Variants in APMAP observed in about 807,000 individuals in gnomAD.
APMAP encodes adipocyte plasma membrane associated protein.
A neutral mutation model predicts 43.6 loss-of-function variants in APMAP; 33 were observed. The observed-to-expected ratio is 0.76, with a 90% CI of 0.57 to 1.01. The LOEUF is 1.01. Ranked by LOEUF, APMAP falls within the 50% of genes least tolerant of loss-of-function variation. The pLI is 0.00. For missense variants in APMAP, 498 were observed against 540.7 expected (o/e 0.92, Z 0.78); for synonymous variants, 224 against 216.7 (o/e 1.03, Z -0.30).
chr20:24,992,442 G>C, intron 1 of APMAP, 152 bp downstream of exon 1: 1 of 583,998 alleles, frequency 1.7e-6, no homozygotes, highest in South Asian at 5.9e-5. Flanking sequence ...TCGGAAAAAT[G>C]AGTTTTTCTT....
At chr20:24,977,954 G>A (rs188826990) in intron 3 of APMAP, among the ~76,000 whole-genome samples, 3 of 152,186 alleles carry the variant, frequency 2.0e-5, no homozygotes, top group Admixed American at 2.0e-4. Flanking sequence ...CAAATAACAG[G>A]GCCCAGGCAA....
In APMAP at chr20:24,970,345, C is replaced by T. The variant is rs895578255; in HGVS notation, c.565G>A (p.Glu189Lys). 8 of 1,612,534 alleles carry T rather than the reference C, an allele frequency of 5.0e-6. No homozygotes were observed. Among genetic ancestry groups the T allele is most frequent in the Non-Finnish European group, 5.1e-6 (6 of 1,179,186 alleles). ...ATGTTCTTCCCCTCAATGGGTGTCT[C>T]GGAGGACAGCAGCAGTTTCACTTCA... ...KREVKLLLSS[E>K]TPIEGKNMSF... is the part of the protein sequence containing the mutation. The change falls in exon 6 of 9, where the codon GAG becomes AAG. Residue 189 changes from glutamate to lysine, a missense_variant. By Grantham distance (56) the Glu-to-Lys change is moderately conservative. Coordinates refer to ENST00000217456, the MANE Select transcript of APMAP (RefSeq NM_020531.3).
chr20:24,966,359 C>CA (rs954952884), intron 8 of APMAP, among the ~76,000 whole-genome samples: 1 of 152,176 alleles, frequency 6.6e-6, no homozygotes. Flanking sequence ...TGATTACTTA[C>CA]AAAAACCACC....
intron 1 of APMAP, among the ~76,000 whole-genome samples, chr20:24,985,951 G>A (rs182827462): frequency 9.5e-4 from 145 of 152,320 alleles, no homozygotes; most frequent in African/African-American, 3.2e-3. Context: ...AGTGGATCCT[G>A]TAACACAGTG....
At chr20:24,980,045 G>A (rs142328284) in intron 2 of APMAP, among the ~76,000 whole-genome samples, 16 of 152,342 alleles carry the variant, frequency 1.1e-4, no homozygotes, top group African/African-American at 3.8e-4. Context: ...CTCATGCACT[G>A]TGTGATCTGC....
chr20:24,989,974 G>A (rs566579463), intron 1 of APMAP, among the ~76,000 whole-genome samples: 1 of 152,318 alleles, frequency 6.6e-6, no homozygotes, highest in East Asian at 1.9e-4. Context: ...AGAATTTAAT[G>A]TATTGAAACA....
intron 1 of APMAP, among the ~76,000 whole-genome samples, 192 bp downstream of exon 1, chr20:24,992,402 G>A (rs937937690): frequency 2.6e-5 from 4 of 152,220 alleles, no homozygotes; most frequent in African/African-American, 9.6e-5. Context: ...AGACCTGGCA[G>A]GTACATCCGC....
chr20:24,967,501 C>T (rs1378899217), intron 8 of APMAP, among the ~76,000 whole-genome samples: 1 of 152,208 alleles, frequency 6.6e-6, no homozygotes, highest in Non-Finnish European at 1.5e-5. Context: ...ATGTGCCAGG[C>T]ACTGTTGCAG....
At chr20:24,964,639 G>A (rs994695725) in intron 8 of APMAP, among the ~76,000 whole-genome samples, 6 of 152,140 alleles carry the variant, frequency 3.9e-5, no homozygotes, top group South Asian at 2.1e-4. Flanking sequence ...GTGGTCACAC[G>A]GGACTGTTGA....
rs1005872426 is a variant in APMAP, at chr20:24,969,553, G to A, written c.821C>T (p.Ala274Val). 5.0e-6 allele frequency: 8 copies of A among 1,613,312 alleles called. No homozygotes were observed. The highest frequency in any genetic ancestry group is 6.8e-6 in the Non-Finnish European group (8 of 1,179,570). ...LSPAEDFVLV[A>V]ETTMARIRRV... ...TCGTATCCTGGCCATGGTTGTTTCT[G>A]CCACCAGGACAAAGTCTTCTGCAGG... The change falls in exon 7 of 9, where the codon GCA (alanine) becomes GTA (valine). Residue 274 changes from alanine to valine, a missense_variant. Physicochemically the swap from Ala to Val is moderately conservative, Grantham distance 64. Transcript: ENST00000217456.
intron 8 of APMAP, among the ~76,000 whole-genome samples, chr20:24,967,053 G>T (rs556395359): frequency 1.2e-4 from 18 of 152,266 alleles, no homozygotes; most frequent in African/African-American, 4.1e-4. Context: ...CAGAACTTTG[G>T]GAGGCTGAGA....
chr20:24,963,944 G>A lies in APMAP; in HGVS notation c.1120C>T (p.Arg374Trp), dbSNP rs28364786. The A allele has an allele frequency of 2.0e-3, 3,298 of 1,614,232 alleles. 51 individuals are homozygous for A. In the African/African-American group the frequency reaches 0.033, roughly 16 times the overall value. ...CCATCGGGATCATGCAGGCTTCTCCGGAAGGCACCGCTGTCGCTGAGTTCT... is the reference window on the plus strand; with the variant it reads ...CCATCGGGATCATGCAGGCTTCTCCAGAAGGCACCGCTGTCGCTGAGTTCT... Reference protein sequence around the residue: ...VLELSDSGAFRRSLHDPDGLV... With the variant: ...VLELSDSGAFWRSLHDPDGLV... The change falls in exon 9 of 9, where the codon CGG becomes TGG. Residue 374 changes from arginine (R) to tryptophan (W), a missense_variant. Arg to Trp is a moderately radical substitution (Grantham distance 101). Coordinates refer to ENST00000217456, the MANE Select transcript of APMAP (RefSeq NM_020531.3).
Position 24,969,537 on chromosome 20 carries a change from G to C in APMAP, c.837C>G (p.Ala279=), listed in dbSNP as rs2087979693. 1 of 1,612,196 alleles carries C rather than the reference G, an allele frequency of 6.2e-7. No individual in the cohort carries two copies. Among genetic ancestry groups the C allele is most frequent in the African/African-American group, 1.3e-5 (1 of 74,876 alleles). Residue 279 remains alanine, a synonymous_variant, in exon 7 of 9, where the codon GCC becomes GCG. Transcript: ENST00000217456. ...DFVLVAETTM[A]RIRRVYVSGL... ...AATCCCACACACACCTTCGTATCCT[G>C]GCCATGGTTGTTTCTGCCACCAGGA...
At chr20:24,990,529 G>T (rs2088182837) in intron 1 of APMAP, among the ~76,000 whole-genome samples, 1 of 152,182 alleles carries the variant, frequency 6.6e-6, no homozygotes, top group Non-Finnish European at 1.5e-5. Context: ...TCTTAGTTCT[G>T]TCAGTTTAGT....
At chr20:24,964,864 A>T (rs530059460) in intron 8 of APMAP, among the ~76,000 whole-genome samples, 10 of 152,258 alleles carry the variant, frequency 6.6e-5, no homozygotes, top group African/African-American at 2.4e-4. Flanking sequence ...GCAGACAGAC[A>T]AGCTGACTAG....
At chr20:24,978,738 G>GCCCCCCCCCC in intron 3 of APMAP, 29 bp downstream of exon 3, 8 of 1,309,730 alleles carry the variant, frequency 6.1e-6, no homozygotes, top group South Asian at 1.2e-5. Flanking sequence ...AGCCTGGAAG[G>GCCCCCCCCCC]CTCCCCCCCC....
intron 1 of APMAP, among the ~76,000 whole-genome samples, chr20:24,992,072 G>A (rs2088197330): frequency 6.6e-6 from 1 of 152,226 alleles, no homozygotes; most frequent in South Asian, 2.1e-4. Flanking sequence ...GGCAGGTGCA[G>A]AAGAGCAAGT....
chr20:24,979,784 G>A (rs1364524262), intron 2 of APMAP, among the ~76,000 whole-genome samples: 1 of 151,946 alleles, frequency 6.6e-6, no homozygotes, highest in African/African-American at 2.4e-5. Flanking sequence ...ACCGCAACCT[G>A]GCCACAGCAC....
In APMAP at chr20:24,963,768, G is replaced by A. The variant is rs1202798747; in HGVS notation, c.*45C>T. 6.3e-7 allele frequency: 1 copy of A among 1,583,864 alleles called. No homozygotes were observed. Among genetic ancestry groups the A allele is most frequent in the Non-Finnish European group, 8.7e-7 (1 of 1,154,928 alleles). On this transcript the variant is annotated 3_prime_UTR_variant, in exon 9 of 9. Coordinates refer to ENST00000217456, the MANE Select transcript of APMAP (RefSeq NM_020531.3). Reference sequence around the variant, plus strand: ...CCTGGACCAGGCCTGGTGCCTGAGTGTGAAGACTCCTGGCCTGCGTGGCAG... The same window carrying A: ...CCTGGACCAGGCCTGGTGCCTGAGTATGAAGACTCCTGGCCTGCGTGGCAG...
Sources: gnomAD v4.1 joint callset for allele counts (sites outside exome capture counted in the v4.1 genomes callset) on GRCh38, gnomAD v4.1.1 for gene constraint, MANE v1.5 for transcripts, NCBI Gene and HGNC (gene_info 2026-07-23, HGNC 2026-07-21) for gene names.